NLGN1: variants seen among roughly 807,000 people sequenced by gnomAD.
NLGN1 encodes the protein neuroligin 1, also known as neuroligin-1.
A neutral mutation model predicts 65.5 loss-of-function variants in NLGN1; 12 were observed. That is an observed-to-expected ratio of 0.18 (90% confidence interval 0.12 to 0.30). The LOEUF is 0.30. Among genes scored for constraint, NLGN1 ranks in the 10% least tolerant of loss-of-function variants. The pLI is 1.00. For synonymous variants in NLGN1, 350 were observed against 359.5 expected, an observed-to-expected ratio of 0.97 and a Z score of 0.30; for missense variants, 750 against 1,007.1, an observed-to-expected ratio of 0.74 and a Z score of 3.46.
chr3:173,911,845 A>T (rs1739665346), intron 4 of NLGN1, among the ~76,000 whole-genome samples: 1 of 152,174 alleles, frequency 6.6e-6, no homozygotes. Context: ...GGATCCCTCT[A>T]ATTTTTGTTA....
At chr3:173,749,734 T>C (rs1184281831) in intron 3 of NLGN1, among the ~76,000 whole-genome samples, 1 of 152,038 alleles carries the variant, frequency 6.6e-6, no homozygotes, top group Non-Finnish European at 1.5e-5. Context: ...CTAACAAAAA[T>C]TATTATAACC....
At chr3:173,508,947 G>A (rs1488129889) in intron 2 of NLGN1, among the ~76,000 whole-genome samples, 1 of 152,080 alleles carries the variant, frequency 6.6e-6, no homozygotes, top group East Asian at 1.9e-4. Context: ...TGTATCAGGT[G>A]TCTTCTCATT....
chr3:174,023,695 T>C (rs1467179907), intron 4 of NLGN1, among the ~76,000 whole-genome samples: 3 of 152,094 alleles, frequency 2.0e-5, no homozygotes. Flanking sequence ...GTAATGTCTA[T>C]GTTAATAGCT....
At chr3:173,816,498 C>T (rs1178669508) in intron 4 of NLGN1, among the ~76,000 whole-genome samples, 3 of 152,300 alleles carry the variant, frequency 2.0e-5, no homozygotes, top group South Asian at 2.1e-4. Context: ...TCTTTATTTT[C>T]CTAGGTTTTC....
chr3:173,792,555 A>T (rs1161233158), intron 3 of NLGN1, among the ~76,000 whole-genome samples: 2 of 152,120 alleles, frequency 1.3e-5, no homozygotes, highest in East Asian at 3.9e-4. Context: ...TAAGAACTTT[A>T]AGGAATCAAA....
intron 4 of NLGN1, among the ~76,000 whole-genome samples, chr3:173,991,430 C>G (rs377075917): frequency 6.6e-6 from 1 of 152,146 alleles, no homozygotes; most frequent in East Asian, 1.9e-4. Flanking sequence ...TTGAAAACCT[C>G]TAGAGCAGGG....
intron 3 of NLGN1, among the ~76,000 whole-genome samples, chr3:173,764,875 A>T (rs1198556806): frequency 6.6e-6 from 1 of 152,140 alleles, no homozygotes; most frequent in Non-Finnish European, 1.5e-5. Context: ...CAGTGTACCC[A>T]TCAGACATTT....
chr3:174,254,306 ATTTTT>A lies in NLGN1; in HGVS notation c.647-20988_647-20984del, dbSNP rs371427726. Reference sequence around the variant, plus strand: ...GATTTCTTAGGAAAAGTCCTTTTTAATTTTTTTTTTTTTTTTTTTTTTTTTGTAAT... The same window carrying A: ...GATTTCTTAGGAAAAGTCCTTTTTAATTTTTTTTTTTTTTTTTTTTGTAAT... On this transcript the variant is annotated intron_variant, in intron 4 of 6. Coordinates refer to ENST00000457714, the Ensembl canonical transcript of NLGN1. Among the ~76,000 whole-genome samples the A allele has an allele frequency of 1.3e-3, 150 of 113,780 alleles. 2 individuals carry two copies. In the South Asian group the frequency reaches 0.025, roughly 19 times the overall value. The allele number at this position is 113,780 out of a possible 152,430, so 74.6% of individuals were successfully genotyped here. A position where few individuals can be genotyped will look rare whatever the true frequency, so the allele number is the denominator to read the frequency against.
chr3:174,249,087 C>G (rs1381396597), intron 4 of NLGN1, among the ~76,000 whole-genome samples: 2 of 152,190 alleles, frequency 1.3e-5, no homozygotes, highest in Non-Finnish European at 2.9e-5. Context: ...CTTAATGGTA[C>G]AGCCTTAGAC....
intron 3 of NLGN1, among the ~76,000 whole-genome samples, chr3:173,631,736 A>G (rs556783269): frequency 2.0e-5 from 3 of 152,264 alleles, no homozygotes; most frequent in South Asian, 2.1e-4. Context: ...TTATTTTCCA[A>G]CATGCACTCA....
intron 3 of NLGN1, among the ~76,000 whole-genome samples, chr3:173,750,566 G>T (rs1776176007): frequency 6.6e-6 from 1 of 152,046 alleles, no homozygotes; most frequent in Non-Finnish European, 1.5e-5. Flanking sequence ...TTGAACACAG[G>T]TACAAGTAGT....
At chr3:173,615,481 T>C (rs1752917123) in intron 3 of NLGN1, among the ~76,000 whole-genome samples, 1 of 152,166 alleles carries the variant, frequency 6.6e-6, no homozygotes, top group Admixed American at 6.6e-5. Flanking sequence ...AAGTTTGATA[T>C]GTATTAAAAT....
intron 2 of NLGN1, among the ~76,000 whole-genome samples, chr3:173,546,127 T>G (rs1739787861): frequency 6.6e-6 from 1 of 152,294 alleles, no homozygotes; most frequent in East Asian, 1.9e-4. Context: ...ATCAAAGATA[T>G]GAAGCCCTGA....
intron 4 of NLGN1, among the ~76,000 whole-genome samples, chr3:173,961,904 A>C (rs909367022): frequency 6.6e-6 from 1 of 151,880 alleles, no homozygotes; most frequent in Non-Finnish European, 1.5e-5. Flanking sequence ...CACAAAAATA[A>C]CTCTGGACTA....
At chr3:173,914,754 G>A (rs1041329242) in intron 4 of NLGN1, 9 of 152,098 alleles carry the variant, frequency 5.9e-5, no homozygotes, top group African/African-American at 1.4e-4. Flanking sequence ...CAGGTTGAGC[G>A]GAGTAACGAT....
chr3:174,277,014 A>G (rs1399564835), intron 5 of NLGN1, among the ~76,000 whole-genome samples: 1 of 151,936 alleles, frequency 6.6e-6, no homozygotes, highest in African/African-American at 2.4e-5. Flanking sequence ...CAGTTAGTTC[A>G]TCAGCTAACA....
At chr3:173,436,176 T>C (rs866674028) in intron 2 of NLGN1, among the ~76,000 whole-genome samples, 5 of 152,240 alleles carry the variant, frequency 3.3e-5, no homozygotes, top group Non-Finnish European at 4.4e-5. Context: ...TAGCCTTTGC[T>C]AAGAAATTAA....
At chr3:173,850,642 A>G (rs1332936306) in intron 4 of NLGN1, among the ~76,000 whole-genome samples, 1 of 152,114 alleles carries the variant, frequency 6.6e-6, no homozygotes, top group Admixed American at 6.5e-5. Context: ...CTGATTTTAA[A>G]TGTTTTTGTG....
chr3:173,909,937 C>G (rs2152217832), intron 4 of NLGN1, among the ~76,000 whole-genome samples: 1 of 152,282 alleles, frequency 6.6e-6, no homozygotes, highest in Admixed American at 6.5e-5. Flanking sequence ...CTTGGCCTCC[C>G]AAAGTGCTGG....
Sources: gnomAD v4.1 joint callset for allele counts (sites outside exome capture counted in the v4.1 genomes callset) on GRCh38, gnomAD v4.1.1 for gene constraint, MANE v1.5 for transcripts, NCBI Gene and HGNC (gene_info 2026-07-23, HGNC 2026-07-21) for gene names.